Variants in SLC9A9 observed in about 807,000 individuals in gnomAD.
SLC9A9 encodes the protein solute carrier family 9 member A9.
A neutral mutation model predicts 77.8 loss-of-function variants in SLC9A9; 62 were observed. That is an observed-to-expected ratio of 0.80 (90% CI 0.65 to 0.98). The LOEUF is 0.98. Among genes scored for constraint, SLC9A9 ranks in the 50% least tolerant of loss-of-function variants. The pLI, the probability that SLC9A9 is intolerant of heterozygous loss-of-function variation, is 0.00. For missense variants in SLC9A9, 775 were observed against 774.9 expected, an observed-to-expected ratio of 1.00 and a Z score of 0.00; for synonymous variants, 320 against 283.5, an observed-to-expected ratio of 1.13 and a Z score of -1.29.
chr3:143,828,804 T>C (rs935177676), intron 2 of SLC9A9, among the ~76,000 whole-genome samples: 1 of 152,202 alleles, frequency 6.6e-6, no homozygotes, highest in Admixed American at 6.5e-5. Flanking sequence ...AAGGGGCTGG[T>C]AGATCTGCAG....
rs1370923055 is a variant in SLC9A9 at position 143,505,782 on chromosome 3, A to G, written c.1090-10334T>C. On this transcript the variant is annotated intron_variant, in intron 9 of 15. Coordinates refer to ENST00000316549, the MANE Select transcript of SLC9A9 (RefSeq NM_173653.4). ...GTAAGTAAAGTTAATATAGGACATAAATGTAGTTACAGCTACAAGGAATTG... is the reference window on the plus strand; with the variant it reads ...GTAAGTAAAGTTAATATAGGACATAGATGTAGTTACAGCTACAAGGAATTG... 1.3e-4 allele frequency among the ~76,000 whole-genome samples: 20 copies of G among 152,346 alleles called. No homozygotes were observed. The South Asian group carries it at 4.1e-3, about 32-fold the overall frequency.
chr3:143,542,362 A>G (rs1015287748), intron 9 of SLC9A9, among the ~76,000 whole-genome samples: 2 of 152,224 alleles, frequency 1.3e-5, no homozygotes, highest in Admixed American at 6.5e-5. Flanking sequence ...TAGAGTAATA[A>G]AAAAAGGCAA....
chr3:143,370,438 G>A (rs2033023983), intron 13 of SLC9A9, among the ~76,000 whole-genome samples: 1 of 152,120 alleles, frequency 6.6e-6, no homozygotes, highest in Non-Finnish European at 1.5e-5. Context: ...AACTTAGAGA[G>A]AGGAGGAAGT....
intron 13 of SLC9A9, among the ~76,000 whole-genome samples, chr3:143,366,753 G>A (rs953767467): frequency 1.3e-5 from 2 of 152,130 alleles, no homozygotes; most frequent in African/African-American, 2.4e-5. Context: ...GGAAACTGAT[G>A]CACTGGGATA....
chr3:143,452,890 G>T (rs183306219), intron 12 of SLC9A9, among the ~76,000 whole-genome samples: 1 of 152,158 alleles, frequency 6.6e-6, no homozygotes. Context: ...ATTCTTAGAA[G>T]ATGCATGCTT....
chr3:143,700,354 C>T (rs1037502860), intron 4 of SLC9A9, among the ~76,000 whole-genome samples: 2 of 152,054 alleles, frequency 1.3e-5, no homozygotes, highest in Non-Finnish European at 2.9e-5. Context: ...ATCTGCTCAG[C>T]AACAGCAGGA....
At chr3:143,685,585 G>A (rs745940018) in intron 5 of SLC9A9, among the ~76,000 whole-genome samples, 5 of 152,094 alleles carry the variant, frequency 3.3e-5, no homozygotes, top group Non-Finnish European at 5.9e-5. Context: ...ATCCAAATAG[G>A]AAACAGGGAA....
At chr3:143,312,277 A>G (rs2031043617) in intron 14 of SLC9A9, among the ~76,000 whole-genome samples, 2 of 152,224 alleles carry the variant, frequency 1.3e-5, no homozygotes. Context: ...TGGTGGAAAA[A>G]CAAGTGGTTT....
At chr3:143,538,306 C>T (rs992239438) in intron 9 of SLC9A9, among the ~76,000 whole-genome samples, 2 of 152,064 alleles carry the variant, frequency 1.3e-5, no homozygotes, top group African/African-American at 2.4e-5. Flanking sequence ...CCCTATAGAC[C>T]TCAACTTGGT....
chr3:143,442,138 C>A (rs896039337), intron 12 of SLC9A9, among the ~76,000 whole-genome samples: 5 of 152,304 alleles, frequency 3.3e-5, no homozygotes, highest in African/African-American at 7.2e-5. Context: ...GAGGAAGGTG[C>A]CTGCACAGTG....
chr3:143,774,308 T>C (rs1320133447), intron 4 of SLC9A9, among the ~76,000 whole-genome samples: 1 of 152,218 alleles, frequency 6.6e-6, no homozygotes, highest in Non-Finnish European at 1.5e-5. Context: ...CCCAGTGATA[T>C]ATTTTATTTT....
intron 4 of SLC9A9, among the ~76,000 whole-genome samples, chr3:143,728,101 T>C (rs1934705815): frequency 6.6e-6 from 1 of 152,178 alleles, no homozygotes; most frequent in East Asian, 1.9e-4. Context: ...TATTAACAGA[T>C]GATAACCACA....
At chr3:143,526,978 C>T (rs1300719361) in intron 9 of SLC9A9, among the ~76,000 whole-genome samples, 1 of 152,162 alleles carries the variant, frequency 6.6e-6, no homozygotes, top group Non-Finnish European at 1.5e-5. Context: ...TAAAGCCGAT[C>T]TGCCCTGTGA....
chr3:143,340,153 C>T (rs567858838), intron 14 of SLC9A9, among the ~76,000 whole-genome samples: 10 of 152,258 alleles, frequency 6.6e-5, no homozygotes, highest in African/African-American at 1.9e-4. Context: ...TTGTTGTCAG[C>T]CAACAAACTA....
At chr3:143,458,433 T>G (rs2108562201) in intron 12 of SLC9A9, among the ~76,000 whole-genome samples, 1 of 152,264 alleles carries the variant, frequency 6.6e-6, no homozygotes, top group South Asian at 2.1e-4. Flanking sequence ...ATGTAATTAT[T>G]GTTATATTTG....
At chr3:143,763,714 ATT>A (rs112250510) in intron 4 of SLC9A9, among the ~76,000 whole-genome samples, 2,928 of 146,710 alleles carry the variant, frequency 0.02, 101 homozygotes, top group African/African-American at 0.068. Flanking sequence ...AAAATGTTTG[ATT>A]TTTTTTTTTT....
intron 14 of SLC9A9, among the ~76,000 whole-genome samples, chr3:143,349,270 AGGAGAG>A (rs965589458): frequency 6.6e-6 from 1 of 152,158 alleles, no homozygotes; most frequent in Non-Finnish European, 1.5e-5. Context: ...CTTACCTGAA[AGGAGAG>A]GGATGGTGAT....
At chr3:143,645,953 G>C (rs1560010446) in intron 6 of SLC9A9, among the ~76,000 whole-genome samples, 3 of 151,972 alleles carry the variant, frequency 2.0e-5, no homozygotes, top group Admixed American at 1.3e-4. Flanking sequence ...TTATGAGTAG[G>C]TTTCAGTACA....
chr3:143,498,594 A>C (rs1181420385), intron 9 of SLC9A9, among the ~76,000 whole-genome samples: 1 of 152,124 alleles, frequency 6.6e-6, no homozygotes, highest in Non-Finnish European at 1.5e-5. Flanking sequence ...GAAAGAGAGA[A>C]GGAAAGAAAA....
Sources: gnomAD v4.1 joint callset for allele counts (sites outside exome capture counted in the v4.1 genomes callset) on GRCh38, gnomAD v4.1.1 for gene constraint, MANE v1.5 for transcripts, NCBI Gene and HGNC (gene_info 2026-07-23, HGNC 2026-07-21) for gene names.